KCNJ6: variants seen among roughly 807,000 people sequenced by gnomAD.
KCNJ6 encodes the protein G protein-activated inward rectifier potassium channel 2.
A neutral mutation model predicts 34.2 loss-of-function variants in KCNJ6; 9 were observed. The observed-to-expected ratio is 0.26, with a 90% CI of 0.16 to 0.46. KCNJ6 has a LOEUF of 0.46. Ranked by LOEUF, KCNJ6 falls within the 20% of genes least tolerant of loss-of-function variation. The probability of loss-of-function intolerance (pLI) is 1.00; values close to 1 mark genes in which losing one functional copy is unlikely to be tolerated. For synonymous variants in KCNJ6, 196 were observed against 207.1 expected, an observed-to-expected ratio of 0.95 and a Z score of 0.46; for missense variants, 236 against 531.3, an observed-to-expected ratio of 0.44 and a Z score of 5.46.
rs889156751 is a variant in KCNJ6 at position 37,613,468 on chromosome 21, A to G, written c.*11691T>C. 5 of 153,082 alleles carry G rather than the reference A, an allele frequency of 3.3e-5. No homozygotes were observed. Among genetic ancestry groups the G allele is most frequent in the South Asian group, 4.1e-4 (2 of 4,854 alleles). The allele number at this position is 153,082 out of a possible 1,614,324, so 9.5% of individuals were successfully genotyped here. A position where few individuals can be genotyped will look rare whatever the true frequency, so the allele number is the denominator to read the frequency against. ...TGTCCACACAAAAACCTGCATACAG[A>G]TATTTATAGTGGCTTTATTCATAAC... On this transcript the variant is annotated 3_prime_UTR_variant, in exon 4 of 4. Coordinates refer to ENST00000609713, the MANE Select transcript of KCNJ6 (RefSeq NM_002240.5).
chr21:37,716,505 G>A (rs747201759), intron 2 of KCNJ6, among the ~76,000 whole-genome samples: 2 of 151,472 alleles, frequency 1.3e-5, no homozygotes, highest in African/African-American at 4.9e-5. Flanking sequence ...TCAGCCTCCT[G>A]AGTAGGCACA....
intron 2 of KCNJ6, among the ~76,000 whole-genome samples, chr21:37,786,406 C>A (rs1189310181): frequency 6.6e-6 from 1 of 152,198 alleles, no homozygotes; most frequent in Non-Finnish European, 1.5e-5. Context: ...GATGAGTAGG[C>A]CCCTCCTCTT....
intron 3 of KCNJ6, among the ~76,000 whole-genome samples, chr21:37,692,167 C>T (rs918175984): frequency 6.6e-6 from 1 of 152,104 alleles, no homozygotes; most frequent in Non-Finnish European, 1.5e-5. Flanking sequence ...ACCTATGTAA[C>T]AAAGCTGCAT....
chr21:37,892,346 C>G (rs1177525894), intron 1 of KCNJ6, among the ~76,000 whole-genome samples: 1 of 152,204 alleles, frequency 6.6e-6, no homozygotes, highest in Non-Finnish European at 1.5e-5. Flanking sequence ...CGTAAAGTCA[C>G]CTACCTCAGT....
chr21:37,696,103 G>GAAC (rs1364952535), intron 3 of KCNJ6, among the ~76,000 whole-genome samples: 2 of 152,176 alleles, frequency 1.3e-5, no homozygotes, highest in African/African-American at 4.8e-5. Flanking sequence ...AGCTGAAAGA[G>GAAC]AACACATCAA....
At chr21:37,896,792 G>A (rs960312467) in intron 1 of KCNJ6, among the ~76,000 whole-genome samples, 6 of 152,242 alleles carry the variant, frequency 3.9e-5, no homozygotes, top group East Asian at 3.9e-4. Context: ...GAAGACACCC[G>A]GGCCCCAGAG....
intron 3 of KCNJ6, among the ~76,000 whole-genome samples, chr21:37,638,509 CAAAAT>C (rs1389259010): frequency 6.6e-6 from 1 of 152,172 alleles, no homozygotes; most frequent in Admixed American, 6.5e-5. Flanking sequence ...ACATATTTTA[CAAAAT>C]AAAATGGAGT....
chr21:37,669,213 AC>A (rs369540967), intron 3 of KCNJ6, among the ~76,000 whole-genome samples: 2 of 151,702 alleles, frequency 1.3e-5, no homozygotes, highest in Non-Finnish European at 2.9e-5. Context: ...CCTGTAAGGC[AC>A]CCCCCCACCT....
intron 1 of KCNJ6, among the ~76,000 whole-genome samples, chr21:37,848,143 G>A (rs1353825949): frequency 2.0e-5 from 3 of 152,180 alleles, no homozygotes; most frequent in African/African-American, 7.2e-5. Context: ...CAAACCAGTG[G>A]GAGGAGGAAG....
At chr21:37,730,446 T>TACCTTGAAGAGTTAC (rs2054878512) in intron 2 of KCNJ6, among the ~76,000 whole-genome samples, 1 of 152,126 alleles carries the variant, frequency 6.6e-6, no homozygotes, top group Non-Finnish European at 1.5e-5. Context: ...TAATAAGACC[T>TACCTTGAAGAGTTAC]ACCTTGAAGA....
At chr21:37,912,494 C>T (rs1280292862) in intron 1 of KCNJ6, among the ~76,000 whole-genome samples, 3 of 152,140 alleles carry the variant, frequency 2.0e-5, no homozygotes, top group South Asian at 2.1e-4. Flanking sequence ...GTTTATCTAA[C>T]AGTCTATATT....
chr21:37,856,496 G>A (rs562082849), intron 1 of KCNJ6, among the ~76,000 whole-genome samples: 1 of 152,274 alleles, frequency 6.6e-6, no homozygotes, highest in African/African-American at 2.4e-5. Flanking sequence ...GCCTTGATGA[G>A]CAAGTCAAGA....
At chr21:37,829,660 G>A (rs987559669) in intron 2 of KCNJ6, among the ~76,000 whole-genome samples, 5 of 152,214 alleles carry the variant, frequency 3.3e-5, no homozygotes, top group Non-Finnish European at 5.9e-5. Flanking sequence ...GACTCATGTT[G>A]TGAACAGCTG....
At chr21:37,897,060 G>A (rs2055792356) in intron 1 of KCNJ6, among the ~76,000 whole-genome samples, 1 of 152,224 alleles carries the variant, frequency 6.6e-6, no homozygotes, top group African/African-American at 2.4e-5. Flanking sequence ...AGCTTTGCCT[G>A]TAGGAACAAA....
At position 37,847,316 on chromosome 21, in the gene KCNJ6, A is replaced by C. The variant is rs570000532; in HGVS notation, c.-27-6607T>G. Among the ~76,000 whole-genome samples, 15 of 152,298 alleles carry C rather than the reference A, an allele frequency of 9.8e-5. No individual in the cohort carries two copies. The East Asian group carries it at 1.2e-3, about 12-fold the overall frequency. On this transcript the variant is annotated intron_variant, in intron 1 of 3. Coordinates refer to ENST00000609713, the MANE Select transcript of KCNJ6 (RefSeq NM_002240.5). Reference sequence around the variant, plus strand: ...AGGATGGGGAAACTGAGGCACAGAGAGGTTCAGCAGATCATGCCAGATCAC... The same window carrying C: ...AGGATGGGGAAACTGAGGCACAGAGCGGTTCAGCAGATCATGCCAGATCAC...
At chr21:37,906,684 A>G (rs2055843319) in intron 1 of KCNJ6, among the ~76,000 whole-genome samples, 1 of 152,132 alleles carries the variant, frequency 6.6e-6, no homozygotes. Flanking sequence ...GAGACCCCCA[A>G]CAGTGGCCAG....
chr21:37,815,753 C>T (rs6517434), intron 2 of KCNJ6, among the ~76,000 whole-genome samples: 15,040 of 152,232 alleles, frequency 0.099, 874 homozygotes, highest in African/African-American at 0.14. Flanking sequence ...GCAGGGATCT[C>T]ACAGTTTTCT....
At chr21:37,773,907 A>C (rs2055129576) in intron 2 of KCNJ6, among the ~76,000 whole-genome samples, 1 of 152,054 alleles carries the variant, frequency 6.6e-6, no homozygotes, top group Non-Finnish European at 1.5e-5. Context: ...TGCTCCATTC[A>C]TACCTGGGCT....
chr21:37,883,088 A>G (rs1426342534), intron 1 of KCNJ6, among the ~76,000 whole-genome samples: 3 of 152,224 alleles, frequency 2.0e-5, no homozygotes, highest in East Asian at 1.9e-4. Context: ...TCTAGATAGT[A>G]GAAATAAGAG....
Sources: allele counts gnomAD v4.1 joint callset (sites outside exome capture counted in the v4.1 genomes callset), GRCh38; gene constraint gnomAD v4.1.1; transcripts MANE v1.5; gene names NCBI Gene and HGNC (gene_info 2026-07-23, HGNC 2026-07-21).